Variants in SMOC2 observed in about 807,000 individuals in gnomAD.
SMOC2 encodes SPARC-related modular calcium-binding protein 2.
Under a neutral mutation model 61.4 loss-of-function variants are expected in SMOC2, and 39 were observed. The ratio of observed to expected loss-of-function variants is 0.64; its 90% CI spans 0.49 to 0.83. The LOEUF (loss-of-function observed/expected upper bound fraction) is 0.83, where lower values mean the gene tolerates loss of function less well. Among genes scored for constraint, SMOC2 ranks in the 40% least tolerant of loss-of-function variants. The pLI is 0.00. For missense variants in SMOC2, 556 were observed against 592.9 expected, an observed-to-expected ratio of 0.94 and a Z score of 0.65; for synonymous variants, 247 against 239.9, an observed-to-expected ratio of 1.03 and a Z score of -0.27.
At chr6:168,517,423 C>G (rs1036774792) in intron 2 of SMOC2, among the ~76,000 whole-genome samples, 1 of 152,252 alleles carries the variant, frequency 6.6e-6, no homozygotes, top group African/African-American at 2.4e-5. Context: ...GGGAGGAAAG[C>G]CAGGCGGCTT....
At chr6:168,500,823 C>T (rs1457201728) in intron 1 of SMOC2, among the ~76,000 whole-genome samples, 1 of 152,202 alleles carries the variant, frequency 6.6e-6, no homozygotes, top group Non-Finnish European at 1.5e-5. Flanking sequence ...ACGAGTGCTT[C>T]ACACTCATCC....
chr6:168,649,077 C>A (rs1787124996), intron 9 of SMOC2, among the ~76,000 whole-genome samples: 1 of 152,122 alleles, frequency 6.6e-6, no homozygotes, highest in African/African-American at 2.4e-5. Context: ...CCTGAGGAGT[C>A]CAGAGAGAGC....
At chr6:168,659,042 G>A (rs1338377132) in intron 11 of SMOC2, among the ~76,000 whole-genome samples, 1 of 130,482 alleles carries the variant, frequency 7.7e-6, no homozygotes, top group Non-Finnish European at 1.6e-5. Flanking sequence ...GTGTATGTGT[G>A]TGTGTGGCGT....
chr6:168,520,655 C>T (rs1023156181), intron 2 of SMOC2, among the ~76,000 whole-genome samples: 2 of 152,216 alleles, frequency 1.3e-5, no homozygotes, highest in Non-Finnish European at 2.9e-5. Flanking sequence ...ACCTGTGTCC[C>T]AAAGTTCTCT....
Position 168,510,075 on chromosome 6 carries a change from G to C in SMOC2, c.245G>C (p.Gly82Ala). The part of the protein sequence containing the change: ...KDPQLEIAYR[G>A]NCKDVSRCVA... ...CCCCAGCTAGAGATTGCATATCGAG[G>C]AAACTGCAAAGGTAAGCTGCTGTTT... The change falls in exon 2 of 13, where the codon GGA (glycine) becomes GCA (alanine). Residue 82 changes from glycine to alanine, a missense_variant. Physicochemically the swap from Gly to Ala is moderately conservative, Grantham distance 60. Coordinates refer to ENST00000356284, the MANE Select transcript of SMOC2 (RefSeq NM_001166412.2). 6.2e-7 allele frequency: 1 copy of C among 1,614,014 alleles called. No homozygotes were observed. Among genetic ancestry groups the C allele is most frequent in the Non-Finnish European group, 8.5e-7 (1 of 1,179,896 alleles).
At chr6:168,494,629 A>C (rs1310419013) in intron 1 of SMOC2, among the ~76,000 whole-genome samples, 2 of 152,224 alleles carry the variant, frequency 1.3e-5, no homozygotes. Context: ...TACGCTGCTT[A>C]GAGTGCCACT....
chr6:168,475,607 C>T lies in SMOC2; in HGVS notation c.84+34153C>T, dbSNP rs1343652139. 6.6e-6 allele frequency among the ~76,000 whole-genome samples: 1 copy of T among 152,112 alleles called. No homozygotes were observed. Among genetic ancestry groups the T allele is most frequent in the Non-Finnish European group, 1.5e-5 (1 of 68,008 alleles). On this transcript the variant is annotated intron_variant, in intron 1 of 12. Coordinates refer to ENST00000356284, the MANE Select transcript of SMOC2 (RefSeq NM_001166412.2). The surrounding 1 kb of genome is among the most constrained non-coding windows in gnomAD (Gnocchi z 4.6). ...ATGGGTCTGGAAGGCAGTGTCAGGA[C>T]TGAGACAGGAGGGTGAGTCCAGAGC... is the stretch of plus-strand genomic sequence containing the variant.
At chr6:168,457,237 A>G (rs1212779083) in intron 1 of SMOC2, among the ~76,000 whole-genome samples, 2 of 152,316 alleles carry the variant, frequency 1.3e-5, no homozygotes, top group South Asian at 2.1e-4. Context: ...CAATAAAAAC[A>G]AAGTGCAGCT....
intron 1 of SMOC2, among the ~76,000 whole-genome samples, chr6:168,490,378 T>C (rs1233615538): frequency 1.3e-5 from 2 of 152,188 alleles, no homozygotes; most frequent in African/African-American, 4.8e-5. Flanking sequence ...AAGGTCATGA[T>C]ATTTTCTTGT....
rs183575563 is a variant in SMOC2 at position 168,638,330 on chromosome 6, C to T, written c.908-12351C>T. Among the ~76,000 whole-genome samples, 32 of 152,306 alleles carry T rather than the reference C, an allele frequency of 2.1e-4. 1 individual carries two copies. The East Asian group carries it at 3.7e-3, about 17-fold the overall frequency. On this transcript the variant is annotated intron_variant, in intron 9 of 12. Transcript: ENST00000356284. Reference sequence around the variant, plus strand: ...AGAACCTACTTCACACCATGAGAACCTGAGTCAACTCCATTTTGTTAGGTT... The same window carrying T: ...AGAACCTACTTCACACCATGAGAACTTGAGTCAACTCCATTTTGTTAGGTT...
chr6:168,523,310 G>C (rs1419212895), intron 2 of SMOC2, among the ~76,000 whole-genome samples: 2 of 146,354 alleles, frequency 1.4e-5, no homozygotes, highest in Non-Finnish European at 3.0e-5. Context: ...GGATGGTCTC[G>C]ATCTCCTGAC....
rs1408262666 is a variant in SMOC2 at position 168,527,680 on chromosome 6, G to A, written c.416G>A (p.Arg139Lys). 1.9e-6 allele frequency: 3 copies of A among 1,552,524 alleles called. No individual in the cohort carries two copies. The African/African-American group carries it at 4.1e-5, about 21-fold the overall frequency. Residue 139 changes from arginine to lysine, a missense_variant, in exon 4 of 13, where the codon AGG (arginine) becomes AAG (lysine). By Grantham distance (26) the Arg-to-Lys change is conservative. Coordinates refer to ENST00000356284, the MANE Select transcript of SMOC2 (RefSeq NM_001166412.2). ...GYCWCVTPNG[R>K]PISGTAVAHK... ...TGCTGGTGCGTCACGCCCAACGGGA[G>A]GCCCATCAGCGGCACTGCCGTGGCC...
intron 11 of SMOC2, among the ~76,000 whole-genome samples, chr6:168,658,044 C>A (rs1187207519): frequency 6.6e-6 from 1 of 152,156 alleles, no homozygotes; most frequent in African/African-American, 2.4e-5. Flanking sequence ...GTGTTTTGCT[C>A]TTTGAGACTT....
chr6:168,527,306 C>T (rs13217172), intron 3 of SMOC2, among the ~76,000 whole-genome samples: 37,139 of 152,054 alleles, frequency 0.24, 6,003 homozygotes, highest in Non-Finnish European at 0.35. Context: ...CTGACCTTCC[C>T]GGGCCTCAGT....
chr6:168,633,315 C>A (rs1054738367), intron 9 of SMOC2, among the ~76,000 whole-genome samples: 1 of 152,166 alleles, frequency 6.6e-6, no homozygotes, highest in African/African-American at 2.4e-5. Flanking sequence ...TGCATTTCCC[C>A]ATTTCTTAAT....
chr6:168,659,709 G>GTAGGTTGGGTGAGGTTGTAGATTA (rs1583194750), intron 11 of SMOC2, among the ~76,000 whole-genome samples: 1 of 11,160 alleles, frequency 9.0e-5, no homozygotes, highest in Non-Finnish European at 2.0e-4. Flanking sequence ...GGTGGAGGTT[G>GTAGGTTGGGTGAGGTTGTAGATTA]TAGGCTGAGT....
intron 5 of SMOC2, among the ~76,000 whole-genome samples, chr6:168,545,528 G>A (rs1463076803): frequency 6.6e-6 from 1 of 152,236 alleles, no homozygotes; most frequent in African/African-American, 2.4e-5. Context: ...CCCCGTCTGT[G>A]AGGGACGGGG....
intron 9 of SMOC2, among the ~76,000 whole-genome samples, chr6:168,610,360 T>C (rs190366837): frequency 9.8e-5 from 15 of 152,352 alleles, no homozygotes; most frequent in African/African-American, 3.6e-4. Context: ...GAGTGCACTG[T>C]TCATGACCAC....
At position 168,441,311 on chromosome 6, in the gene SMOC2, CG is replaced by C. The variant is rs543189291; in HGVS notation, c.-58del. On this transcript the variant is annotated 5_prime_UTR_variant, in exon 1 of 13. Coordinates refer to ENST00000356284, the MANE Select transcript of SMOC2 (RefSeq NM_001166412.2). ...GCCGCGCTCGCCCACTGGGCTCTCC[CG>C]GCTGCAGTGCCAGGGCGCAGGACGC... The C allele has an allele frequency of 0.011, 16,464 of 1,476,828 alleles. 121 individuals are homozygous for C. Among genetic ancestry groups the C allele is most frequent in the Non-Finnish European group, 0.012 (13,246 of 1,121,682 alleles). 91.5% of individuals were successfully genotyped at this position (1,476,828 alleles called of 1,614,324 possible). A position where few individuals can be genotyped will look rare whatever the true frequency, so the allele number is the denominator to read the frequency against.
Sources: gnomAD v4.1 joint callset for allele counts (sites outside exome capture counted in the v4.1 genomes callset) on GRCh38, gnomAD v4.1.1 for gene constraint, Gnocchi (gnomAD v3.1) non-coding constraint, MANE v1.5 for transcripts, NCBI Gene and HGNC (gene_info 2026-07-23, HGNC 2026-07-21) for gene names.